The following IL19 variants were observed in gnomAD, a reference collection of about 807,000 sequenced individuals.
IL19 encodes the protein interleukin 19, also known as interleukin-19.
Under a neutral mutation model 19.5 loss-of-function variants are expected in IL19, and 15 were observed. That is an observed-to-expected ratio of 0.77 (90% CI 0.52 to 1.19). IL19 has a LOEUF of 1.19. Ranked by LOEUF, IL19 falls within the 50% of genes most tolerant of loss-of-function variation. The pLI is 0.00. For missense variants in IL19, 199 were observed against 213.1 expected, an observed-to-expected ratio of 0.93 and a Z score of 0.41; for synonymous variants, 78 against 78.3, an observed-to-expected ratio of 1.00 and a Z score of 0.02.
At chr1:206,801,380 G>T (rs566878687) in intron 2 of IL19, among the ~76,000 whole-genome samples, 1 of 152,208 alleles carries the variant, frequency 6.6e-6, no homozygotes, top group Non-Finnish European at 1.5e-5. Context: ...TGGAATGGAG[G>T]CAACTTCCTG....
chr1:206,786,340 A>C (rs12127370), intron 1 of IL19, among the ~76,000 whole-genome samples: 2 of 152,178 alleles, frequency 1.3e-5, no homozygotes, highest in Non-Finnish European at 2.9e-5. Flanking sequence ...GACAGCTATG[A>C]CTGTTGATAT....
At chr1:206,789,881 T>C (rs947221004) in intron 1 of IL19, among the ~76,000 whole-genome samples, 1 of 152,218 alleles carries the variant, frequency 6.6e-6, no homozygotes, top group East Asian at 1.9e-4. Flanking sequence ...TTCAGCTCCT[T>C]TCATGTCCCT....
intron 1 of IL19, among the ~76,000 whole-genome samples, chr1:206,790,402 C>A (rs1675369172): frequency 6.6e-6 from 1 of 152,158 alleles, no homozygotes; most frequent in South Asian, 2.1e-4. Context: ...TGCTTATGGT[C>A]ATTCCTTCCC....
chr1:206,773,415 T>C (rs1674911361), intron 1 of IL19, among the ~76,000 whole-genome samples: 1 of 152,196 alleles, frequency 6.6e-6, no homozygotes, highest in Non-Finnish European at 1.5e-5. Context: ...TTCTTTTAGT[T>C]GTAAGCTTCT....
chr1:206,791,780 C>T (rs955260057), intron 1 of IL19, among the ~76,000 whole-genome samples: 9 of 152,206 alleles, frequency 5.9e-5, no homozygotes, highest in Non-Finnish European at 1.0e-4. Flanking sequence ...GTAAAAGCCC[C>T]GTTTTCTTAA....
chr1:206,772,417 G>T, intron 1 of IL19: 1 of 1,614,088 alleles, frequency 6.2e-7, no homozygotes, highest in Non-Finnish European at 8.5e-7. Context: ...AGGCAACAGA[G>T]CAGTGCTGAG....
At chr1:206,780,286 G>T (rs1470724452) in intron 1 of IL19, among the ~76,000 whole-genome samples, 1 of 152,188 alleles carries the variant, frequency 6.6e-6, no homozygotes, top group Non-Finnish European at 1.5e-5. Flanking sequence ...ATCTGTTTTT[G>T]ATGAGTGTTG....
At chr1:206,778,752 G>A (rs1256325182) in intron 1 of IL19, among the ~76,000 whole-genome samples, 1 of 152,148 alleles carries the variant, frequency 6.6e-6, no homozygotes, top group Non-Finnish European at 1.5e-5. Context: ...CCTTCATCCA[G>A]TGCACCCTCG....
chr1:206,841,685 T>A (rs897839180), intron 6 of IL19, among the ~76,000 whole-genome samples: 5 of 152,012 alleles, frequency 3.3e-5, no homozygotes, highest in African/African-American at 1.2e-4. Context: ...AGTTAGGGAG[T>A]CTGTTATGGG....
intron 2 of IL19, among the ~76,000 whole-genome samples, chr1:206,826,986 G>A (rs1286456000): frequency 6.6e-6 from 1 of 152,216 alleles, no homozygotes; most frequent in African/African-American, 2.4e-5. Flanking sequence ...AGAAAGTTGT[G>A]ATACAATGTG....
At chr1:206,804,721 C>T (rs1321963923) in intron 2 of IL19, among the ~76,000 whole-genome samples, 3 of 152,218 alleles carry the variant, frequency 2.0e-5, no homozygotes, top group Non-Finnish European at 4.4e-5. Flanking sequence ...TCACCTCAGC[C>T]TGTTTCCTCA....
chr1:206,783,853 T>C (rs1355451771), intron 1 of IL19, among the ~76,000 whole-genome samples: 4 of 152,180 alleles, frequency 2.6e-5, no homozygotes, highest in Admixed American at 2.6e-4. Flanking sequence ...CTATATACAA[T>C]TGGAGATGAT....
intron 1 of IL19, among the ~76,000 whole-genome samples, chr1:206,797,583 A>T (rs1675555512): frequency 6.6e-6 from 1 of 152,224 alleles, no homozygotes; most frequent in Non-Finnish European, 1.5e-5. Flanking sequence ...TGCTTTAAAA[A>T]ATTATTTGAA....
chr1:206,817,834 T>C (rs996935450), intron 2 of IL19, among the ~76,000 whole-genome samples: 9 of 152,002 alleles, frequency 5.9e-5, no homozygotes, highest in Admixed American at 3.9e-4. Flanking sequence ...TGCAATCTTG[T>C]CTCACTGCAA....
chr1:206,814,690 TCACACACACACA>T (rs34474731), intron 2 of IL19, among the ~76,000 whole-genome samples: 2 of 140,470 alleles, frequency 1.4e-5, no homozygotes, highest in African/African-American at 5.5e-5. Context: ...TGAAACTCTG[TCACACACACACA>T]CACACACACA....
chr1:206,832,786 G>A (rs1191866832), intron 2 of IL19, among the ~76,000 whole-genome samples: 2 of 152,148 alleles, frequency 1.3e-5, no homozygotes, highest in African/African-American at 2.4e-5. Flanking sequence ...CCAGAACTAC[G>A]TTGTGAACCA....
chr1:206,773,595 T>TGA lies in IL19; in HGVS notation c.-149+2518_-149+2519insAG, dbSNP rs1189743502. On this transcript the variant is annotated intron_variant, in intron 1 of 6. Coordinates refer to ENST00000659997, the MANE Select transcript of IL19 (RefSeq NM_153758.5). The stretch of plus-strand genomic sequence containing the variant: ...TAGTGTTGTCTTGGATTTGTGTGTG[T>TGA]GTGTGTGTGTGTGTGTGTGTGTGTG... Among the ~76,000 whole-genome samples the TGA allele has an allele frequency of 2.9e-4, 43 of 149,000 alleles. 1 individual carries two copies. The highest frequency in any genetic ancestry group is 8.9e-4 in the African/African-American group (36 of 40,446).
chr1:206,832,487 G>A (rs1379041604), intron 2 of IL19, among the ~76,000 whole-genome samples: 2 of 152,198 alleles, frequency 1.3e-5, no homozygotes, highest in Admixed American at 1.3e-4. Context: ...AAGGCAGAGA[G>A]GGTACCTGCC....
At chr1:206,801,211 G>C (rs1361018057) in intron 2 of IL19, among the ~76,000 whole-genome samples, 1 of 150,478 alleles carries the variant, frequency 6.6e-6, no homozygotes, top group African/African-American at 2.4e-5. Flanking sequence ...CCAGACCCCT[G>C]TGTCCTTTGA....
Sources: gnomAD v4.1 joint callset for allele counts (sites outside exome capture counted in the v4.1 genomes callset) on GRCh38, gnomAD v4.1.1 for gene constraint, MANE v1.5 for transcripts, NCBI Gene and HGNC (gene_info 2026-07-23, HGNC 2026-07-21) for gene names.